Variants in DCAF6 observed in about 807,000 individuals in gnomAD.
DCAF6 encodes DDB1 and CUL4 associated factor 6, also known as DDB1- and CUL4-associated factor 6.
A neutral mutation model predicts 125.1 loss-of-function variants in DCAF6; 54 were observed. That is an observed-to-expected ratio of 0.43 (90% confidence interval 0.35 to 0.54). The LOEUF (loss-of-function observed/expected upper bound fraction) is 0.54. DCAF6 is among the 20% of genes least tolerant of loss of function. The pLI, the probability that DCAF6 is intolerant of heterozygous loss-of-function variation, is 0.01. For synonymous variants in DCAF6, 371 were observed against 390.4 expected, an observed-to-expected ratio of 0.95 and a Z score of 0.58; for missense variants, 934 against 1,161.7, an observed-to-expected ratio of 0.80 and a Z score of 2.85.
the DCAF6 span, among the ~76,000 whole-genome samples, chr1:167,921,457 G>C: frequency 6.6e-6 from 1 of 152,034 alleles, no homozygotes; most frequent in Non-Finnish European, 1.5e-5. Context: ...CCTGACCGCA[G>C]GTGATCCGCC....
rs1001495751 is a variant in DCAF6 at position 167,977,060 on chromosome 1, C to T, written c.438+2045C>T. 4.6e-5 allele frequency among the ~76,000 whole-genome samples: 7 copies of T among 151,514 alleles called. 1 individual carries two copies. Among genetic ancestry groups the T allele is most frequent in the African/African-American group, 1.7e-4 (7 of 41,354 alleles). ...GGGATTATAGGTGCATACCACCACT[C>T]CTGGCTAATTTTGTATTTTTTTTAG... is the stretch of plus-strand genomic sequence containing the variant. On this transcript the variant is annotated intron_variant, in intron 4 of 21. Transcript: ENST00000367840.
chr1:167,893,337 G>A, the DCAF6 span, among the ~76,000 whole-genome samples: 1 of 152,164 alleles, frequency 6.6e-6, no homozygotes, highest in Non-Finnish European at 1.5e-5. Context: ...TATGCCTGTT[G>A]TCATATTATA....
Position 168,015,793 on chromosome 1 carries a change from G to A in DCAF6, c.1391G>A (p.Gly464Asp), listed in dbSNP as rs1684887480. The A allele has an allele frequency of 6.6e-7, 1 of 1,504,952 alleles. No homozygotes were observed. The highest frequency in any genetic ancestry group is 1.3e-5 in the South Asian group (1 of 77,880). 93.2% of individuals were successfully genotyped at this position (1,504,952 alleles called of 1,614,324 possible). A position where few individuals can be genotyped will look rare whatever the true frequency, so the allele number is the denominator to read the frequency against. The part of the protein sequence containing the change: ...HTHHQSEFLR[G>D]PEIALLRKRL... ...CTATTTGTGTCAGAATTTTTAAGGGGCCCTGAGATAGCTTTGCTTCGTAAG... is the reference window on the plus strand; with the variant it reads ...CTATTTGTGTCAGAATTTTTAAGGGACCCTGAGATAGCTTTGCTTCGTAAG... The change falls in exon 11 of 22, where the codon GGC (glycine) becomes GAC (aspartate). Residue 464 changes from glycine (G) to aspartate (D), a missense_variant. Around this residue, in one of 5 missense-constraint regions of DCAF6, gnomAD observed 559 missense variants for 635.5 expected, o/e 0.88. Transcript: ENST00000367840.
chr1:167,993,207 C>T lies in DCAF6; in HGVS notation c.689-19C>T. On this transcript the variant is annotated intron_variant, in intron 6 of 21. Transcript: ENST00000367840. ...TTAAAACATTATTAATTTTAAATAA[C>T]TTCTTGTTTCTTTTTTAGGGAATTA... The T allele has an allele frequency of 6.3e-7, 1 of 1,580,120 alleles. No individual in the cohort carries two copies.
chr1:168,072,494 A>T (rs2102030087), intron 21 of DCAF6, among the ~76,000 whole-genome samples: 1 of 152,156 alleles, frequency 6.6e-6, no homozygotes, highest in East Asian at 1.9e-4. Flanking sequence ...TAGAGGAGAA[A>T]AATACAGGTG....
the DCAF6 span, among the ~76,000 whole-genome samples, chr1:167,869,814 G>A: frequency 6.6e-6 from 1 of 151,818 alleles, no homozygotes; most frequent in Admixed American, 6.6e-5. Flanking sequence ...ATTTTGAGAC[G>A]CTAGCCTGCC....
At chr1:167,864,379 GC>G in the DCAF6 span, among the ~76,000 whole-genome samples, 4 of 152,138 alleles carry the variant, frequency 2.6e-5, no homozygotes, top group Non-Finnish European at 4.4e-5. Flanking sequence ...AAATAGACTG[GC>G]CAACATTAGA....
chr1:168,067,087 A>G (rs1322112386), intron 20 of DCAF6, among the ~76,000 whole-genome samples: 2 of 152,208 alleles, frequency 1.3e-5, no homozygotes, highest in Non-Finnish European at 2.9e-5. Flanking sequence ...CCCCAACTTC[A>G]ACCAGGGTTT....
intron 6 of DCAF6, 53 bp from the exon 7 acceptor site, chr1:167,993,173 T>C: frequency 6.9e-7 from 1 of 1,450,748 alleles, no homozygotes; most frequent in Non-Finnish European, 9.4e-7. Flanking sequence ...TTTTAAAAAA[T>C]GTTTTTCTTT....
Position 167,993,959 on chromosome 1 carries a change from ATTAG to A in DCAF6, c.903+523_903+526del, listed in dbSNP as rs200278520. Reference sequence around the variant, plus strand: ...CAGTTATTACTAATTATAATTAGCAATTAGTTACTAATTACTAATAGTTACTAAT... The same window carrying A: ...CAGTTATTACTAATTATAATTAGCAATTACTAATTACTAATAGTTACTAAT... On this transcript the variant is annotated intron_variant, in intron 7 of 21. Transcript: ENST00000367840. 5.0e-3 allele frequency among the ~76,000 whole-genome samples: 756 copies of A among 152,272 alleles called. 5 individuals are homozygous for A. Among genetic ancestry groups the A allele is most frequent in the African/African-American group, 0.017 (708 of 41,572 alleles).
chr1:167,958,291 A>G (rs1160409195), intron 2 of DCAF6, among the ~76,000 whole-genome samples: 2 of 141,802 alleles, frequency 1.4e-5, no homozygotes, highest in African/African-American at 2.6e-5. Context: ...TATTTGATCT[A>G]TTTTCAGTTA....
chr1:168,009,418 GTTTC>G (rs1434730196), intron 10 of DCAF6, among the ~76,000 whole-genome samples: 102 of 89,060 alleles, frequency 1.1e-3, no homozygotes, highest in Non-Finnish European at 1.4e-3. Context: ...TCTCTCTTTT[GTTTC>G]TTTCTGTCTC....
At chr1:168,070,043 C>A (rs887256337) in intron 21 of DCAF6, among the ~76,000 whole-genome samples, 2 of 152,022 alleles carry the variant, frequency 1.3e-5, no homozygotes, top group African/African-American at 4.8e-5. Flanking sequence ...AATTCTCTTT[C>A]CAGTTGCACA....
chr1:167,934,319 AG>A (rs1337711297), upstream of DCAF6, among the ~76,000 whole-genome samples: 4 of 152,300 alleles, frequency 2.6e-5, no homozygotes, highest in East Asian at 7.7e-4. Flanking sequence ...TAAAACACAA[AG>A]CTTATGAAGG....
At chr1:168,019,649 C>T (rs1399412315) in intron 11 of DCAF6, 2 of 317,170 alleles carry the variant, frequency 6.3e-6, no homozygotes, top group African/African-American at 2.2e-5. Flanking sequence ...GAGCATGGAG[C>T]CAGCCTAGAG....
chr1:167,993,556 C>G (rs550677893), intron 7 of DCAF6, 116 bp downstream of exon 7: 6 of 754,110 alleles, frequency 8.0e-6, no homozygotes, highest in Admixed American at 7.7e-5. Flanking sequence ...TTGCAACCAG[C>G]CTGACCAACA....
the DCAF6 span, chr1:167,904,693 A>G: frequency 6.7e-6 from 4 of 601,072 alleles, no homozygotes; most frequent in East Asian, 5.5e-5. Flanking sequence ...TGGGATGTGT[A>G]TGGGGCTTGG....
At chr1:167,991,427 G>A (rs1277748883) in intron 6 of DCAF6, 88 bp downstream of exon 6, 1 of 1,318,750 alleles carries the variant, frequency 7.6e-7, no homozygotes. Flanking sequence ...TTTCTTGTTT[G>A]TTATAAAATT....
In DCAF6 at chr1:167,966,731, T is replaced by G; in HGVS notation, c.252+10T>G. The G allele has an allele frequency of 6.7e-7, 1 of 1,498,962 alleles. No homozygotes were observed. The highest frequency in any genetic ancestry group is 9.2e-7 in the Non-Finnish European group (1 of 1,090,576). The allele number at this position is 1,498,962 out of a possible 1,614,324, so 92.9% of individuals were successfully genotyped here. A position where few individuals can be genotyped will look rare whatever the true frequency, so the allele number is the denominator to read the frequency against. On this transcript the variant is annotated intron_variant, in intron 3 of 21. Coordinates refer to ENST00000367840, the MANE Select transcript of DCAF6 (RefSeq NM_001198956.2). Reference sequence around the variant, plus strand: ...TCCTTACAGCAGAAAGGTAAAGTAGTTTAAAAAATCTGTAATTTAATGAGA... The same window carrying G: ...TCCTTACAGCAGAAAGGTAAAGTAGGTTAAAAAATCTGTAATTTAATGAGA...
Sources: gnomAD v4.1 joint callset for allele counts (sites outside exome capture counted in the v4.1 genomes callset) on GRCh38, gnomAD v4.1.1 for gene constraint, gnomAD v4.1.1 regional missense constraint, MANE v1.5 for transcripts, NCBI Gene and HGNC (gene_info 2026-07-23, HGNC 2026-07-21) for gene names.